CHODL: variants seen among roughly 807,000 people sequenced by gnomAD.
CHODL encodes the protein transmembrane protein MT75.
Under a neutral mutation model 34.5 loss-of-function variants are expected in CHODL, and 29 were observed. That is an observed-to-expected ratio of 0.84 (90% CI 0.63 to 1.15). The LOEUF is 1.15. Ranked by LOEUF, CHODL falls within the 50% of genes most tolerant of loss-of-function variation. The pLI, the probability that CHODL is intolerant of heterozygous loss-of-function variation, is 0.00. For missense variants in CHODL, 332 were observed against 332.5 expected (o/e 1.00, Z 0.01); for synonymous variants, 125 against 116.1 (o/e 1.08, Z -0.49).
chr21:18,080,240 T>C (rs2064925370), intron 2 of CHODL, among the ~76,000 whole-genome samples: 1 of 152,174 alleles, frequency 6.6e-6, no homozygotes, highest in Admixed American at 6.5e-5. Flanking sequence ...ATTAGCCCTT[T>C]GTTGGACGCA....
At position 17,933,991 on chromosome 21, in the gene CHODL, C is replaced by T. The variant is rs578050165; in HGVS notation, c.-145+16591C>T. On this transcript the variant is annotated intron_variant, in intron 1 of 6. Transcript: ENST00000400127. Reference sequence around the variant, plus strand: ...GGCAGAGGTTGCAGTGAGCCGAGATCGAGTCACTGCACTCCAGTCTAAGTA... The same window carrying T: ...GGCAGAGGTTGCAGTGAGCCGAGATTGAGTCACTGCACTCCAGTCTAAGTA... 3.0e-4 allele frequency among the ~76,000 whole-genome samples: 45 copies of T among 150,144 alleles called. No individual in the cohort carries two copies. The South Asian group carries it at 7.6e-3, about 25-fold the overall frequency.
intron 1 of CHODL, among the ~76,000 whole-genome samples, chr21:17,978,520 G>A (rs191153907): frequency 1.3e-4 from 19 of 149,860 alleles, no homozygotes; most frequent in African/African-American, 3.9e-4. Context: ...AGATCGAGAC[G>A]ATCCTGGCTA....
At chr21:18,112,930 CA>C (rs758216472) in intron 2 of CHODL, among the ~76,000 whole-genome samples, 6 of 152,018 alleles carry the variant, frequency 3.9e-5, no homozygotes, top group Non-Finnish European at 5.9e-5. Flanking sequence ...CACATCAAGT[CA>C]AAAAGCCTCT....
intron 2 of CHODL, among the ~76,000 whole-genome samples, chr21:18,087,701 GGAA>G (rs1444526995): frequency 6.6e-6 from 1 of 152,082 alleles, no homozygotes; most frequent in Non-Finnish European, 1.5e-5. Flanking sequence ...AAGCAGTGTG[GGAA>G]GAAGTTTTGT....
intron 2 of CHODL, among the ~76,000 whole-genome samples, chr21:18,149,385 T>C (rs1370712101): frequency 6.6e-6 from 1 of 152,168 alleles, no homozygotes; most frequent in Admixed American, 6.5e-5. Context: ...GTAGCACTGG[T>C]AGTCAGGGCA....
intron 2 of CHODL, among the ~76,000 whole-genome samples, chr21:18,073,638 G>A (rs945187972): frequency 2.6e-5 from 4 of 151,932 alleles, no homozygotes; most frequent in African/African-American, 7.2e-5. Context: ...ATTAAAAAGT[G>A]CAATATTCAC....
At chr21:18,131,636 T>C (rs974079735) in intron 2 of CHODL, among the ~76,000 whole-genome samples, 1 of 152,170 alleles carries the variant, frequency 6.6e-6, no homozygotes, top group Admixed American at 6.5e-5. Flanking sequence ...GACACTGGTT[T>C]TTTAATAATG....
chr21:17,934,331 C>T (rs1374217061), intron 1 of CHODL, among the ~76,000 whole-genome samples: 6 of 151,962 alleles, frequency 3.9e-5, no homozygotes, highest in South Asian at 2.1e-4. Context: ...AAATAACATC[C>T]GAAAGCTCTA....
chr21:18,142,331 A>T (rs2072813670), intron 2 of CHODL, among the ~76,000 whole-genome samples: 2 of 152,154 alleles, frequency 1.3e-5, no homozygotes, highest in Non-Finnish European at 2.9e-5. Flanking sequence ...CCCCATTTAA[A>T]TCCTTGAGCT....
In CHODL at chr21:18,266,355, TTTTA is replaced by T. The variant is rs2146836819; in HGVS notation, c.*321_*324del. 1.8e-6 allele frequency: 1 copy of T among 563,554 alleles called. No individual in the cohort carries two copies. Among genetic ancestry groups the T allele is most frequent in the Admixed American group, 3.4e-5 (1 of 29,030 alleles). The allele number at this position is 563,554 out of a possible 1,614,324, so 34.9% of individuals were successfully genotyped here. A position where few individuals can be genotyped will look rare whatever the true frequency, so the allele number is the denominator to read the frequency against. On this transcript the variant is annotated 3_prime_UTR_variant, in exon 6 of 6. Coordinates refer to ENST00000299295, the MANE Select transcript of CHODL (RefSeq NM_024944.3). ...GAGTATGTGTGTTAGAAGCAATTCCTTTTATTTCTTTCACCTTTCATAAGTTGTT... is the reference window on the plus strand; with the variant it reads ...GAGTATGTGTGTTAGAAGCAATTCCTTTTCTTTCACCTTTCATAAGTTGTT...
intron 2 of CHODL, among the ~76,000 whole-genome samples, chr21:18,048,404 C>G (rs977653241): frequency 5.9e-5 from 9 of 151,850 alleles, no homozygotes; most frequent in Non-Finnish European, 8.8e-5. Flanking sequence ...AATTAAAAAA[C>G]AATGAGACAT....
intron 1 of CHODL, among the ~76,000 whole-genome samples, chr21:17,997,568 T>G (rs1328599818): frequency 6.6e-6 from 1 of 152,066 alleles, no homozygotes; most frequent in South Asian, 2.1e-4. Context: ...TACCTGAAAC[T>G]GAGAAGAAAA....
chr21:17,953,868 GGTGTGGTGGTGCGTGCCT>G (rs1393473035), intron 1 of CHODL, among the ~76,000 whole-genome samples: 1 of 152,064 alleles, frequency 6.6e-6, no homozygotes, highest in Non-Finnish European at 1.5e-5. Flanking sequence ...ACATTAGCTG[GGTGTGGTGGTGCGTGCCT>G]GTAATCCTAG....
At chr21:18,086,846 C>A (rs1160714095) in intron 2 of CHODL, among the ~76,000 whole-genome samples, 3 of 152,150 alleles carry the variant, frequency 2.0e-5, no homozygotes, top group Non-Finnish European at 4.4e-5. Context: ...AGATAGCTTG[C>A]TTATAAGCCA....
rs1462906737 is a variant in CHODL, at chr21:18,265,934, T to G, written c.738-20T>G. The G allele has an allele frequency of 1.9e-6, 3 of 1,602,232 alleles. No homozygotes were observed. The Admixed American group carries it at 5.1e-5, about 27-fold the overall frequency. On this transcript the variant is annotated intron_variant, in intron 5 of 5. Coordinates refer to ENST00000299295, the MANE Select transcript of CHODL (RefSeq NM_024944.3). ...AATAAGAAATTTTAGGCACTAAACA[T>G]TTTTTCTTATGTTTTTCAGTAAAGG... is the stretch of plus-strand genomic sequence containing the variant.
chr21:18,005,214 G>A (rs758467799), intron 1 of CHODL, among the ~76,000 whole-genome samples: 3 of 152,184 alleles, frequency 2.0e-5, no homozygotes, highest in Non-Finnish European at 4.4e-5. Flanking sequence ...ACTTGGGCCA[G>A]CTGCCAATTT....
chr21:18,028,221 TCCCCTCCCC>T, intron 2 of CHODL, among the ~76,000 whole-genome samples: 1 of 58,546 alleles, frequency 1.7e-5, no homozygotes, highest in African/African-American at 5.7e-5. Flanking sequence ...TCCCCTCCCC[TCCCCTCCCC>T]TCCCCTTCCC....
intron 2 of CHODL, among the ~76,000 whole-genome samples, chr21:18,224,750 A>C (rs1601168903): frequency 6.6e-6 from 1 of 152,142 alleles, no homozygotes; most frequent in South Asian, 2.1e-4. Flanking sequence ...TTAGTATGAA[A>C]GCTGAGAAGG....
At chr21:18,239,395 A>G (rs1439706623) in intron 2 of CHODL, among the ~76,000 whole-genome samples, 2 of 152,068 alleles carry the variant, frequency 1.3e-5, no homozygotes, top group Non-Finnish European at 2.9e-5. Context: ...TGACAGATGT[A>G]CCTCCAGAAG....
Sources: gnomAD v4.1 joint callset for allele counts (sites outside exome capture counted in the v4.1 genomes callset) on GRCh38, gnomAD v4.1.1 for gene constraint, MANE v1.5 for transcripts, NCBI Gene and HGNC (gene_info 2026-07-23, HGNC 2026-07-21) for gene names.